The following HS3ST5 variants were observed in gnomAD, a reference collection of about 807,000 sequenced individuals.
HS3ST5 encodes the protein heparan sulfate-glucosamine 3-sulfotransferase 5, also known as heparan sulfate glucosamine 3-O-sulfotransferase 5.
HS3ST5 carries 10 observed loss-of-function variants against 25.4 expected under a neutral mutation model. The observed-to-expected ratio is 0.39, with a 90% confidence interval of 0.24 to 0.67. HS3ST5 has a LOEUF of 0.67. HS3ST5 is among the 30% of genes least tolerant of loss of function. The pLI is 0.44. For missense variants in HS3ST5, 324 were observed against 420.7 expected (o/e 0.77, Z 2.01); for synonymous variants, 170 against 162.4 (o/e 1.05, Z -0.36).
At chr6:114,289,834 T>G (rs1267941133) in intron 1 of HS3ST5, among the ~76,000 whole-genome samples, 1 of 152,150 alleles carries the variant, frequency 6.6e-6, no homozygotes, top group African/African-American at 2.4e-5. Context: ...TTCCAAACTA[T>G]CTTCCTATGG....
At chr6:114,192,806 C>G (rs913671364) in intron 2 of HS3ST5, among the ~76,000 whole-genome samples, 4 of 152,162 alleles carry the variant, frequency 2.6e-5, no homozygotes, top group Admixed American at 2.6e-4. Flanking sequence ...AAATAAGATA[C>G]TGTAACGTCA....
chr6:114,256,344 C>T (rs1053385892), intron 1 of HS3ST5, among the ~76,000 whole-genome samples: 2 of 151,210 alleles, frequency 1.3e-5, no homozygotes, highest in South Asian at 2.1e-4. Context: ...GCCGAGATTG[C>T]GCCACTGCAC....
chr6:114,122,380 C>G (rs766579691), intron 3 of HS3ST5, among the ~76,000 whole-genome samples: 1 of 152,130 alleles, frequency 6.6e-6, no homozygotes, highest in Non-Finnish European at 1.5e-5. Context: ...TCTGGAGACA[C>G]AAGTGTGAAT....
chr6:114,316,502 A>AT, intron 1 of HS3ST5, among the ~76,000 whole-genome samples: 1 of 152,306 alleles, frequency 6.6e-6, no homozygotes, highest in African/African-American at 2.4e-5. Context: ...CAAATTGATG[A>AT]TTTTTTAATT....
In HS3ST5 at chr6:114,057,398, G is replaced by C; in HGVS notation, c.900C>G (p.Ile300Met). ...TGCTGCCCGCCAGGCACTTATTAAA[G>C]ATAATATTAAACCGCAAGCAGTAAA... is the stretch of plus-strand genomic sequence containing the variant. ...RGFYCLRFNI[I>M]FNKCLAGSKG... is the part of the protein sequence containing the mutation. Residue 300 changes from isoleucine to methionine, a missense_variant, in exon 5 of 5, where the codon ATC (isoleucine) becomes ATG (methionine). Coordinates refer to ENST00000312719, the MANE Select transcript of HS3ST5 (RefSeq NM_153612.4). 6.2e-7 allele frequency: 1 copy of C among 1,614,142 alleles called. No homozygotes were observed. Among genetic ancestry groups the C allele is most frequent in the Non-Finnish European group, 8.5e-7 (1 of 1,180,026 alleles).
In HS3ST5 at chr6:114,123,452, C is replaced by G. The variant is rs77269853; in HGVS notation, c.-33+44899G>C. Among the ~76,000 whole-genome samples the G allele has an allele frequency of 9.6e-3, 1,465 of 152,202 alleles. 14 individuals are homozygous for G. The highest frequency in any genetic ancestry group is 0.031 in the Middle Eastern group (9 of 294). The stretch of plus-strand genomic sequence containing the variant: ...CTAAAAACTGAACAAAGTATATACC[C>G]AAGAGGATAATTCTTTAAAAAGTAT... On this transcript the variant is annotated intron_variant, in intron 3 of 4. Transcript: ENST00000312719.
chr6:114,327,583 A>C (rs1176301351), intron 1 of HS3ST5, among the ~76,000 whole-genome samples: 1 of 152,220 alleles, frequency 6.6e-6, no homozygotes, highest in Non-Finnish European at 1.5e-5. Context: ...AAATGCCAAC[A>C]TCCAGATAAC....
chr6:114,258,482 T>C (rs2114657901), intron 1 of HS3ST5, among the ~76,000 whole-genome samples: 1 of 152,258 alleles, frequency 6.6e-6, no homozygotes, highest in South Asian at 2.1e-4. Context: ...TGCAACACGT[T>C]TGGGGTAGGA....
chr6:114,084,560 C>T (rs1478376027), intron 3 of HS3ST5: 9 of 761,996 alleles, frequency 1.2e-5, no homozygotes, highest in South Asian at 2.7e-5. Context: ...TGAGCTCCCT[C>T]GTTGTTGCAC....
At chr6:114,161,533 AT>A (rs1156231654) in intron 3 of HS3ST5, among the ~76,000 whole-genome samples, 1 of 43,408 alleles carries the variant, frequency 2.3e-5, no homozygotes, top group East Asian at 8.4e-4. Flanking sequence ...ATATATATAT[AT>A]ATATATATAT....
At chr6:114,177,834 T>C (rs967799790) in intron 2 of HS3ST5, among the ~76,000 whole-genome samples, 1 of 152,200 alleles carries the variant, frequency 6.6e-6, no homozygotes, top group Admixed American at 6.5e-5. Flanking sequence ...ATGATCCATA[T>C]AGTAAACCTA....
intron 1 of HS3ST5, among the ~76,000 whole-genome samples, chr6:114,331,978 TATG>T (rs1385889249): frequency 9.2e-5 from 14 of 151,956 alleles, no homozygotes; most frequent in Admixed American, 2.0e-4. Context: ...ACTTAAATAA[TATG>T]ATTATTAGAT....
At chr6:114,189,045 C>T (rs1176957337) in intron 2 of HS3ST5, among the ~76,000 whole-genome samples, 1 of 151,944 alleles carries the variant, frequency 6.6e-6, no homozygotes, top group East Asian at 1.9e-4. Flanking sequence ...TGCTGTTTCT[C>T]TCCTGCTTGG....
chr6:114,257,529 A>C (rs568930888), intron 1 of HS3ST5, among the ~76,000 whole-genome samples: 23 of 152,304 alleles, frequency 1.5e-4, no homozygotes, highest in South Asian at 8.3e-4. Flanking sequence ...TGGCTTGTAC[A>C]TCTCTACTCC....
intron 1 of HS3ST5, among the ~76,000 whole-genome samples, chr6:114,265,726 A>G (rs548654363): frequency 6.6e-6 from 1 of 152,234 alleles, no homozygotes; most frequent in African/African-American, 2.4e-5. Flanking sequence ...AATATACCTA[A>G]CACATTTGGC....
In HS3ST5 at chr6:114,314,571, G is replaced by T. The variant is rs149709515; in HGVS notation, c.-339+27624C>A. On this transcript the variant is annotated intron_variant, in intron 1 of 4. Transcript: ENST00000312719. The stretch of plus-strand genomic sequence containing the variant: ...GCTTTCATAGGCCCAAGAAGTCCCT[G>T]AAGTTCATAGAAAGAGCTGGCAAAT... Among the ~76,000 whole-genome samples the T allele has an allele frequency of 6.6e-5, 10 of 152,276 alleles. No homozygotes were observed. The East Asian group carries it at 1.7e-3, about 26-fold the overall frequency.
chr6:114,268,829 G>C (rs1320344068), intron 1 of HS3ST5, among the ~76,000 whole-genome samples: 2 of 152,160 alleles, frequency 1.3e-5, no homozygotes, highest in Admixed American at 6.5e-5. Flanking sequence ...TGGTGCTTGA[G>C]GTCATTCCTG....
intron 1 of HS3ST5, among the ~76,000 whole-genome samples, chr6:114,327,031 T>C (rs1203295707): frequency 6.6e-6 from 1 of 151,892 alleles, no homozygotes; most frequent in African/African-American, 2.4e-5. Context: ...TCCACACAAC[T>C]GCTGTTTCTT....
chr6:114,100,274 T>G (rs1775655066), intron 3 of HS3ST5, among the ~76,000 whole-genome samples: 1 of 151,982 alleles, frequency 6.6e-6, no homozygotes, highest in Non-Finnish European at 1.5e-5. Flanking sequence ...TGGGTCACGT[T>G]CTCCACGCAG....
Sources: allele counts gnomAD v4.1 joint callset (sites outside exome capture counted in the v4.1 genomes callset), GRCh38; gene constraint gnomAD v4.1.1; transcripts MANE v1.5; gene names NCBI Gene and HGNC (gene_info 2026-07-23, HGNC 2026-07-21).